Variants in TNS2 observed in about 807,000 individuals in gnomAD.
TNS2 encodes tensin-2.
TNS2 carries 77 observed loss-of-function variants against 155.7 expected under a neutral mutation model. The observed-to-expected ratio is 0.49, with a 90% CI of 0.41 to 0.60. The LOEUF is 0.60. TNS2 is among the 20% of genes least tolerant of loss of function. The pLI is 0.00. For missense variants in TNS2, 1,703 were observed against 1,868.8 expected (o/e 0.91, Z 1.64); for synonymous variants, 726 against 763.9 (o/e 0.95, Z 0.82).
At chr12:53,055,428 G>C in intron 8 of TNS2, 140 bp from the exon 9 acceptor site, 2 of 1,225,296 alleles carry the variant, frequency 1.6e-6, no homozygotes, top group Non-Finnish European at 1.1e-6. Context: ...TATGGATAAG[G>C]AAAGTGCCGA....
Position 53,057,067 on chromosome 12 carries a change from G to A in TNS2, c.816G>A (p.Val272=). 1 of 1,613,678 alleles carries A rather than the reference G, an allele frequency of 6.2e-7. No homozygotes were observed. Among genetic ancestry groups the A allele is most frequent in the South Asian group, 1.1e-5 (1 of 90,912 alleles). ...LTMRKFCEDK[V]ATELQPSQRR... ...TGCGGAAATTCTGCGAGGACAAGGT[G>A]GCCACAGAACTGCAGCCCTCCCAGC... Residue 272 remains valine (V), a synonymous_variant, in exon 11 of 29, where the codon GTG becomes GTA. Coordinates refer to ENST00000314250, the MANE Select transcript of TNS2 (RefSeq NM_170754.4).
Position 53,057,689 on chromosome 12 carries a change from C to T in TNS2, c.958+10C>T. The T allele has an allele frequency of 6.2e-7, 1 of 1,613,958 alleles. No homozygotes were observed. The highest frequency in any genetic ancestry group is 8.5e-7 in the Non-Finnish European group (1 of 1,179,848). On this transcript the variant is annotated intron_variant, in intron 12 of 28. Transcript: ENST00000314250. The stretch of plus-strand genomic sequence containing the variant: ...TTTGAACCTGGCACAGGTGAGTCTG[C>T]CTGAGATGTGCTCCCTAGGGAGAAC...
At chr12:53,056,976 A>T in intron 10 of TNS2, 37 bp from the exon 11 acceptor site, 2 of 1,589,386 alleles carry the variant, frequency 1.3e-6, no homozygotes, top group Non-Finnish European at 1.7e-6. Flanking sequence ...GATGAAGATT[A>T]ATCCCTAATC....
chr12:53,056,808 A>G (rs150259285), intron 10 of TNS2: 324 of 513,166 alleles, frequency 6.3e-4, no homozygotes, highest in African/African-American at 5.4e-3. Flanking sequence ...TACAGATGAA[A>G]AAACTAAAGT....
In TNS2 at chr12:53,059,488, T is replaced by C; in HGVS notation, c.1847T>C (p.Leu616Pro). Reference sequence around the variant, plus strand: ...GGCTACTACCGGCCAGAGGGAACCCTGGAGAGGAGGCGACTGGCCTACGGG... The same window carrying C: ...GGCTACTACCGGCCAGAGGGAACCCCGGAGAGGAGGCGACTGGCCTACGGG... ...NGGYYRPEGT[L>P]ERRRLAYGGY... Residue 616 changes from leucine (L) to proline (P), a missense_variant, in exon 18 of 29, where the codon CTG (leucine) becomes CCG (proline). Leu to Pro is a moderately conservative substitution (Grantham distance 98, BLOSUM62 -3). Transcript: ENST00000314250. The surrounding 1 kb of genome is among the most constrained non-coding windows in gnomAD (Gnocchi z 4.7). 2 of 1,563,822 alleles carry C rather than the reference T, an allele frequency of 1.3e-6. No homozygotes were observed. Among genetic ancestry groups the C allele is most frequent in the Non-Finnish European group, 1.7e-6 (2 of 1,158,838 alleles).
At chr12:53,053,536 GA>G (rs1944019658) in intron 4 of TNS2, 87 bp downstream of exon 4, 1 of 1,550,070 alleles carries the variant, frequency 6.5e-7, no homozygotes, top group African/African-American at 1.4e-5. Flanking sequence ...GGGCCCCCAG[GA>G]GATGACCTTG....
chr12:53,057,940 C>G, intron 13 of TNS2, 87 bp from the exon 14 acceptor site: 1 of 1,608,220 alleles, frequency 6.2e-7, no homozygotes, highest in South Asian at 1.1e-5. Context: ...GGCTCAGACT[C>G]TGGTCTCCTG....
chr12:53,062,443 T>C lies in TNS2; in HGVS notation c.3735T>C (p.Ile1245=). The C allele has an allele frequency of 6.2e-7, 1 of 1,613,846 alleles. No individual in the cohort carries two copies. Among genetic ancestry groups the C allele is most frequent in the Non-Finnish European group, 8.5e-7 (1 of 1,179,946 alleles). ...TCTCCCTGCCCTGCTGCCTGCGCATTCCCAGCAAAGGTGAGTGTCTGGTCA... is the reference window on the plus strand; with the variant it reads ...TCTCCCTGCCCTGCTGCCTGCGCATCCCCAGCAAAGGTGAGTGTCTGGTCA... ...SPISLPCCLR[I]PSKDPLEETP... is the part of the protein sequence containing the mutation. Residue 1245 remains isoleucine (I), a synonymous_variant, in exon 24 of 29, where the codon ATT becomes ATC. Transcript: ENST00000314250.
intron 10 of TNS2, among the ~76,000 whole-genome samples, chr12:53,056,744 A>G (rs1944173314): frequency 6.6e-6 from 1 of 152,172 alleles, no homozygotes; most frequent in Admixed American, 6.5e-5. Context: ...TCTGAGGTAC[A>G]TGTCTTTTGG....
chr12:53,061,327 T>C lies in TNS2; in HGVS notation c.3359-53T>C, dbSNP rs1469597328. 3.7e-6 allele frequency: 6 copies of C among 1,612,670 alleles called. No individual in the cohort carries two copies. In the African/African-American group the frequency reaches 8.0e-5, roughly 22 times the overall value. On this transcript the variant is annotated intron_variant, in intron 20 of 28. Transcript: ENST00000314250. ...GAACCCTTTCTCCTGGGATGTAGCA[T>C]GGATGGGGACCCGGGTACCCTGGGG...
rs1358714753 is a variant in TNS2, at chr12:53,050,253, C to T, written c.68C>T (p.Ala23Val). The T allele has an allele frequency of 1.2e-6, 2 of 1,607,368 alleles. No individual in the cohort carries two copies. The highest frequency in any genetic ancestry group is 4.5e-5 in the East Asian group (2 of 44,612). ...ALGRRDSSRA[A>V]SRPRKAEPHS... ...GGGAGGAGGGACAGCAGCCGGGCCG[C>T]AAGCAGGGTAGGAGTGCCCACCAGC... Residue 23 changes from alanine (A) to valine (V), a missense_variant, in exon 1 of 29, where the codon GCA (alanine) becomes GTA (valine). Physicochemically the swap from Ala to Val is moderately conservative, Grantham distance 64 (BLOSUM62 0). Transcript: ENST00000314250. This position sits in a 1 kb window ranked among gnomAD's most constrained non-coding sequence, Gnocchi z 4.7.
chr12:53,064,004 G>A lies in TNS2; in HGVS notation c.*122G>A. On this transcript the variant is annotated 3_prime_UTR_variant, in exon 29 of 29. Transcript: ENST00000314250. Reference sequence around the variant, plus strand: ...GAAAGCACCCTCCCTTAGGAATGAGGAGTGGGCATCAGGCCTGGGACACTG... The same window carrying A: ...GAAAGCACCCTCCCTTAGGAATGAGAAGTGGGCATCAGGCCTGGGACACTG... 1 of 1,147,230 alleles carries A rather than the reference G, an allele frequency of 8.7e-7. No individual in the cohort carries two copies. The highest frequency in any genetic ancestry group is 1.2e-6 in the Non-Finnish European group (1 of 816,268). 71.1% of individuals were successfully genotyped at this position (1,147,230 alleles called of 1,614,324 possible).
At chr12:53,061,522 G>C in intron 21 of TNS2, 53 bp downstream of exon 21, 1 of 1,592,830 alleles carries the variant, frequency 6.3e-7, no homozygotes, top group South Asian at 1.1e-5. Context: ...CAGGGTGTCT[G>C]TCTTGGCTTT....
At chr12:53,062,995 G>A in intron 25 of TNS2, 94 bp from the exon 26 acceptor site, 28 of 1,438,682 alleles carry the variant, frequency 1.9e-5, no homozygotes, top group Non-Finnish European at 2.3e-5. Flanking sequence ...TGATTGTAAA[G>A]CATGTGACAG....
At position 53,050,916 on chromosome 12, in the gene TNS2, G is replaced by A. The variant is rs58808693; in HGVS notation, c.75+656G>A. 0.022 allele frequency among the ~76,000 whole-genome samples: 3,304 copies of A among 152,218 alleles called. 133 individuals carry two copies. The highest frequency in any genetic ancestry group is 0.076 in the African/African-American group (3,151 of 41,542). On this transcript the variant is annotated intron_variant, in intron 1 of 28. Coordinates refer to ENST00000314250, the MANE Select transcript of TNS2 (RefSeq NM_170754.4). The surrounding 1 kb of genome is among the most constrained non-coding windows in gnomAD (Gnocchi z 4.7). ...TGAGATACTACTGTGATGGGTCCCC[G>A]GGAGGAGGACAGCAGGAGTCTGAAC...
At position 53,052,721 on chromosome 12, in the gene TNS2, T is replaced by C. The variant is rs554788659; in HGVS notation, c.222+229T>C. ...CGGGTGGACAGCAAGACAGCGTTTG[T>C]CTTGGTGCTGTGCCCAGACTGCAGC... is the stretch of plus-strand genomic sequence containing the variant. On this transcript the variant is annotated intron_variant, in intron 3 of 28. Coordinates refer to ENST00000314250, the MANE Select transcript of TNS2 (RefSeq NM_170754.4). 4.6e-5 allele frequency among the ~76,000 whole-genome samples: 7 copies of C among 150,562 alleles called. No individual in the cohort carries two copies. The East Asian group carries it at 1.4e-3, about 30-fold the overall frequency.
upstream of TNS2, among the ~76,000 whole-genome samples, chr12:53,047,292 G>T (rs1291333278): frequency 6.9e-6 from 1 of 145,854 alleles, no homozygotes; most frequent in African/African-American, 2.5e-5. Context: ...GCGCGGGCAC[G>T]GGCGGGATGG....
chr12:53,059,259 G>A lies in TNS2; in HGVS notation c.1618G>A (p.Glu540Lys). 1 of 1,513,404 alleles carries A rather than the reference G, an allele frequency of 6.6e-7. No individual in the cohort carries two copies. Among genetic ancestry groups the A allele is most frequent in the Non-Finnish European group, 8.8e-7 (1 of 1,138,280 alleles). The allele number at this position is 1,513,404 out of a possible 1,614,324, so 93.7% of individuals were successfully genotyped here. ...RPPPTAAERQ[E>K]LDRLLGGCGV... ...GCCCCCTACAGCTGCTGAACGGCAG[G>A]AGCTGGATCGCCTCCTAGGAGGCTG... is the stretch of plus-strand genomic sequence containing the variant. Residue 540 changes from glutamate (E) to lysine (K), a missense_variant, in exon 18 of 29, where the codon GAG becomes AAG. By Grantham distance (56) the Glu-to-Lys change is moderately conservative. Coordinates refer to ENST00000314250, the MANE Select transcript of TNS2 (RefSeq NM_170754.4). The surrounding 1 kb of genome is among the most constrained non-coding windows in gnomAD (Gnocchi z 4.7).
In TNS2 at chr12:53,059,901, T is replaced by C; in HGVS notation, c.2260T>C (p.Cys754Arg). The change falls in exon 18 of 29, where the codon TGC becomes CGC. Residue 754 changes from cysteine to arginine, a missense_variant. By Grantham distance (180) the Cys-to-Arg change is radical. Transcript: ENST00000314250. The surrounding 1 kb of genome is among the most constrained non-coding windows in gnomAD (Gnocchi z 4.7). Reference protein sequence around the residue: ...HHHAPMPDYSCLKPPKAGEEG... With the variant: ...HHHAPMPDYSRLKPPKAGEEG... ...CCATGCCCCGATGCCTGACTACAGC[T>C]GCCTGAAGCCACCCAAGGCAGGCGA... 6.2e-7 allele frequency: 1 copy of C among 1,612,798 alleles called. No individual in the cohort carries two copies.
Sources: allele counts gnomAD v4.1 joint callset (sites outside exome capture counted in the v4.1 genomes callset), GRCh38; gene constraint gnomAD v4.1.1; non-coding constraint Gnocchi (gnomAD v3.1); transcripts MANE v1.5; gene names NCBI Gene and HGNC (gene_info 2026-07-23, HGNC 2026-07-21).